Variants in RNF126 observed in about 807,000 individuals in gnomAD.
RNF126 encodes the protein E3 ubiquitin-protein ligase RNF126.
A neutral mutation model predicts 41.9 loss-of-function variants in RNF126; 20 were observed. The ratio of observed to expected loss-of-function variants is 0.48; its 90% CI spans 0.34 to 0.69. The LOEUF (loss-of-function observed/expected upper bound fraction) is 0.69, where lower values mean the gene tolerates loss of function less well. Among genes scored for constraint, RNF126 ranks in the 30% least tolerant of loss-of-function variants. The pLI is 0.01. For missense variants in RNF126, 433 were observed against 460.6 expected, an observed-to-expected ratio of 0.94 and a Z score of 0.55; for synonymous variants, 239 against 202.9, an observed-to-expected ratio of 1.18 and a Z score of -1.51.
At chr19:652,631 C>G in intron 2 of RNF126, 195 bp downstream of exon 2, 1 of 623,602 alleles carries the variant, frequency 1.6e-6, no homozygotes, top group Non-Finnish European at 2.8e-6. Flanking sequence ...CGGCACTCCC[C>G]TCTGGCCCCG....
rs2030007698 is a variant in RNF126 at position 647,621 on chromosome 19, G to A, written c.*507C>T. The A allele has an allele frequency of 6.1e-6, 1 of 164,564 alleles. No individual in the cohort carries two copies. The highest frequency in any genetic ancestry group is 1.3e-5 in the Non-Finnish European group (1 of 74,972). The allele number at this position is 164,564 out of a possible 1,614,324, so 10.2% of individuals were successfully genotyped here. On this transcript the variant is annotated 3_prime_UTR_variant, in exon 9 of 9. Transcript: ENST00000292363. ...TGGAGCAGTTTTGTTCTTGAATTTT[G>A]CTGGTCATCCTCATGGTCCCGAGCC...
At chr19:652,117 A>G (rs2030332805) in intron 3 of RNF126, 116 bp downstream of exon 3, 3 of 952,726 alleles carry the variant, frequency 3.1e-6, no homozygotes, top group Non-Finnish European at 4.4e-6. Context: ...TGGAGGGAAA[A>G]ATTTCCTCCG....
rs543009019 is a variant in RNF126, at chr19:651,158, C to T, written c.443+453G>A. On this transcript the variant is annotated intron_variant, in intron 4 of 8. Coordinates refer to ENST00000292363, the MANE Select transcript of RNF126 (RefSeq NM_194460.3). Reference sequence around the variant, plus strand: ...TTCCACCAGGAGCAGGGCCCAGCGACGGCTCCCCCAGGCTCTGTTCCACCA... The same window carrying T: ...TTCCACCAGGAGCAGGGCCCAGCGATGGCTCCCCCAGGCTCTGTTCCACCA... Among the ~76,000 whole-genome samples the T allele has an allele frequency of 7.9e-5, 12 of 151,236 alleles. No individual in the cohort carries two copies. In the South Asian group the frequency reaches 1.3e-3, roughly 16 times the overall value.
At chr19:662,986 C>T in intron 1 of RNF126, 61 bp downstream of exon 1, 1 of 872,844 alleles carries the variant, frequency 1.1e-6, no homozygotes, top group Non-Finnish European at 1.5e-6. Flanking sequence ...ACCCCGGCCC[C>T]GGCCTTGCCT....
At chr19:662,179 G>A (rs373453080) in intron 1 of RNF126, among the ~76,000 whole-genome samples, 4 of 152,130 alleles carry the variant, frequency 2.6e-5, no homozygotes, top group East Asian at 1.9e-4. Context: ...AATGCAGACT[G>A]CTGAGCGCAT....
rs1294141819 is a variant in RNF126, at chr19:659,395, C to T, written c.75+3652G>A. Among the ~76,000 whole-genome samples, 2 of 152,314 alleles carry T rather than the reference C, an allele frequency of 1.3e-5. No homozygotes were observed. Among genetic ancestry groups the T allele is most frequent in the East Asian group, 3.9e-4 (2 of 5,170 alleles). ...CCACCGTGGGCGGCAGGGCCCAGCA[C>T]CCCCACCGTCCTCTCACCGCCACTT... On this transcript the variant is annotated intron_variant, in intron 1 of 8. Coordinates refer to ENST00000292363, the MANE Select transcript of RNF126 (RefSeq NM_194460.3). The surrounding 1 kb of genome is among the most constrained non-coding windows in gnomAD (Gnocchi z 4.9).
chr19:659,617 T>C lies in RNF126; in HGVS notation c.75+3430A>G, dbSNP rs1335852322. ...CCACACCCTACAGTCACAGCTCCAG[T>C]CAGTGCCTCCTCAGCAGGCTCGAGT... On this transcript the variant is annotated intron_variant, in intron 1 of 8. Transcript: ENST00000292363. The surrounding 1 kb of genome is among the most constrained non-coding windows in gnomAD (Gnocchi z 4.9). 6.6e-6 allele frequency among the ~76,000 whole-genome samples: 1 copy of C among 152,092 alleles called. No individual in the cohort carries two copies. The highest frequency in any genetic ancestry group is 2.4e-5 in the African/African-American group (1 of 41,408).
chr19:648,095 A>G lies in RNF126; in HGVS notation c.*33T>C. 5 of 1,527,584 alleles carry G rather than the reference A, an allele frequency of 3.3e-6. No homozygotes were observed. Among genetic ancestry groups the G allele is most frequent in the Non-Finnish European group, 4.4e-6 (5 of 1,135,228 alleles). The allele number at this position is 1,527,584 out of a possible 1,614,324, so 94.6% of individuals were successfully genotyped here. ...GGCGCTGGCTGAGGGTGGGTGGGAA[A>G]GGCCCCGTGCTTTCCCGACGGCCGA... is the stretch of plus-strand genomic sequence containing the variant. On this transcript the variant is annotated 3_prime_UTR_variant, in exon 9 of 9. Coordinates refer to ENST00000292363, the MANE Select transcript of RNF126 (RefSeq NM_194460.3).
At chr19:662,318 G>A (rs1479888270) in intron 1 of RNF126, among the ~76,000 whole-genome samples, 1 of 152,208 alleles carries the variant, frequency 6.6e-6, no homozygotes, top group African/African-American at 2.4e-5. Context: ...CGAGCAGGAA[G>A]TAGCACTCGG....
At chr19:650,390 G>A (rs1237400640) in intron 4 of RNF126, 94 bp from the exon 5 acceptor site, 1 of 1,007,822 alleles carries the variant, frequency 9.9e-7, no homozygotes, top group Non-Finnish European at 1.5e-6. Context: ...CAAGGGCAGG[G>A]CCAGCATCAG....
At position 659,632 on chromosome 19, in the gene RNF126, C is replaced by T. The variant is rs2030709104; in HGVS notation, c.75+3415G>A. 6.6e-6 allele frequency among the ~76,000 whole-genome samples: 1 copy of T among 152,212 alleles called. No individual in the cohort carries two copies. The highest frequency in any genetic ancestry group is 2.4e-5 in the African/African-American group (1 of 41,450). On this transcript the variant is annotated intron_variant, in intron 1 of 8. Transcript: ENST00000292363. The surrounding 1 kb of genome is among the most constrained non-coding windows in gnomAD (Gnocchi z 4.9). ...ACAGCTCCAGTCAGTGCCTCCTCAG[C>T]AGGCTCGAGTCTGGGTCTGCGCAGC... is the stretch of plus-strand genomic sequence containing the variant.
Position 651,618 on chromosome 19 carries a change from G to C in RNF126, c.436C>G (p.Leu146Val), listed in dbSNP as rs2144760196. ...CCCCCGGGGCCCCCTCACCCTTCCA[G>C]CGTGGGGACGCCTTCGTGCCGGCCG... The part of the protein sequence containing the change: ...ATGRHEGVPT[L>V]EGIIQQLVNG... The change falls in exon 4 of 9, where the codon CTG (leucine) becomes GTG (valine). Residue 146 changes from leucine to valine, a missense_variant. Leu to Val is a conservative substitution (Grantham distance 32). Transcript: ENST00000292363. 4.2e-6 allele frequency: 6 copies of C among 1,437,878 alleles called. No individual in the cohort carries two copies. Among genetic ancestry groups the C allele is most frequent in the Admixed American group, 2.9e-5 (1 of 35,074 alleles). 89.1% of individuals were successfully genotyped at this position (1,437,878 alleles called of 1,614,324 possible). A position where few individuals can be genotyped will look rare whatever the true frequency, so the allele number is the denominator to read the frequency against.
intron 5 of RNF126, 86 bp from the exon 6 acceptor site, chr19:649,834 G>A (rs1194153371): frequency 4.6e-6 from 5 of 1,091,712 alleles, no homozygotes; most frequent in African/African-American, 1.6e-5. Flanking sequence ...GGCCCAGGCT[G>A]GGGATGGGGA....
rs539726198 is a variant in RNF126, at chr19:661,635, C to T, written c.75+1412G>A. Among the ~76,000 whole-genome samples the T allele has an allele frequency of 4.6e-5, 7 of 152,316 alleles. No individual in the cohort carries two copies. In the East Asian group the frequency reaches 1.2e-3, roughly 25 times the overall value. On this transcript the variant is annotated intron_variant, in intron 1 of 8. Transcript: ENST00000292363. ...CGCCATGCCCCAACTCTAGCACTCG[C>T]TCCTCCTCTGTGACCCAGAGACAGG...
At chr19:649,108 C>T (rs1447998152) in intron 6 of RNF126, 133 bp from the exon 7 acceptor site, 3 of 419,136 alleles carry the variant, frequency 7.2e-6, no homozygotes, top group Non-Finnish European at 1.2e-5. Flanking sequence ...TGGAGCCCGC[C>T]CGGGGTCGGA....
Position 652,591 on chromosome 19 carries a change from C to T in RNF126, c.134+235G>A, listed in dbSNP as rs1321472466. On this transcript the variant is annotated intron_variant, in intron 2 of 8. Transcript: ENST00000292363. ...TGGGTCACCAGATTAGCCGCCGAGG[C>T]TGAGGGAGGTGAGCGGCTGCACAGG... is the stretch of plus-strand genomic sequence containing the variant. 8 of 607,828 alleles carry T rather than the reference C, an allele frequency of 1.3e-5. No homozygotes were observed. In the South Asian group the frequency reaches 1.4e-4, roughly 11 times the overall value. The allele number at this position is 607,828 out of a possible 1,614,324, so 37.7% of individuals were successfully genotyped here.
In RNF126 at chr19:648,201, A is replaced by T. The variant is rs770441770; in HGVS notation, c.863T>A (p.Val288Glu). The change falls in exon 9 of 9, where the codon GTG becomes GAG. Residue 288 changes from valine (V) to glutamate (E), a missense_variant. By Grantham distance (121) the Val-to-Glu change is moderately radical. This residue lies in a region of RNF126 where 63 missense variants were observed against 47.9 expected (regional missense o/e 1.32). Transcript: ENST00000292363. ...TATNPPGLTGVSFSSSSSSSS... is the reference protein window; with the variant it reads ...TATNPPGLTGESFSSSSSSSS... ...CGATGACGACGAGGAGGAGAAGCTC[A>T]CCCCAGTGAGGCCAGGGGGGTTCGT... 10 of 1,605,704 alleles carry T rather than the reference A, an allele frequency of 6.2e-6. No individual in the cohort carries two copies. The Admixed American group carries it at 1.7e-4, about 27-fold the overall frequency.
chr19:648,364 G>GGGGGGGGGGGGGGGCCCCCC lies in RNF126; in HGVS notation c.786+7_786+8insGGGGGGCCCCCCCCCCCCCC. 2.0e-6 allele frequency: 1 copy of GGGGGGGGGGGGGGGCCCCCC among 510,488 alleles called. No individual in the cohort carries two copies. The highest frequency in any genetic ancestry group is 3.6e-6 in the Non-Finnish European group (1 of 278,356). The allele number at this position is 510,488 out of a possible 1,614,324, so 31.6% of individuals were successfully genotyped here. On this transcript the variant is annotated splice_region_variant and intron_variant, in intron 8 of 8. Transcript: ENST00000292363. ...CGGGGTGGGGGGGCGGGTGGGCGGGGCACTCACCTGCTCCAGCCAGGGCAC... is the reference window on the plus strand; with the variant it reads ...CGGGGTGGGGGGGCGGGTGGGCGGGGGGGGGGGGGGGGGGCCCCCCCACTCACCTGCTCCAGCCAGGGCAC...
intron 1 of RNF126, among the ~76,000 whole-genome samples, chr19:653,761 A>G (rs980201076): frequency 6.6e-6 from 1 of 152,160 alleles, no homozygotes; most frequent in East Asian, 1.9e-4. Flanking sequence ...CTGGAAGCTA[A>G]ATCAACTGCT....
Sources: gnomAD v4.1 joint callset for allele counts (sites outside exome capture counted in the v4.1 genomes callset) on GRCh38, gnomAD v4.1.1 for gene constraint, gnomAD v4.1.1 regional missense constraint, Gnocchi (gnomAD v3.1) non-coding constraint, MANE v1.5 for transcripts, NCBI Gene and HGNC (gene_info 2026-07-23, HGNC 2026-07-21) for gene names.